Variants in PLCG2 observed in about 807,000 individuals in gnomAD.
PLCG2 encodes phospholipase C gamma 2, also known as 1-phosphatidylinositol 4,5-bisphosphate phosphodiesterase gamma-2.
Under a neutral mutation model 175.6 loss-of-function variants are expected in PLCG2, and 69 were observed. The observed-to-expected ratio is 0.39, with a 90% CI of 0.32 to 0.48. The LOEUF is 0.48. Ranked by LOEUF, PLCG2 falls within the 20% of genes least tolerant of loss-of-function variation. The pLI is 0.91. For missense variants in PLCG2, 1,798 were observed against 1,650.9 expected (o/e 1.09, Z -1.54); for synonymous variants, 827 against 624.0 (o/e 1.33, Z -4.85).
intron 2 of PLCG2, among the ~76,000 whole-genome samples, chr16:81,828,235 ATTTTTTTTTTTTTTT>A (rs67992648): frequency 8.4e-4 from 50 of 59,400 alleles, no homozygotes; most frequent in African/African-American, 3.1e-3. Flanking sequence ...GAGAAATGTC[ATTTTTTTTTTTTTTT>A]TTTTTTTTTT....
In PLCG2 at chr16:81,801,792, T is replaced by C. The variant is rs902247838; in HGVS notation, c.193+15610T>C. ...GCCTCCAGGGTTCAAGCGATTCTCTTGCTTCAGCTTCCCCAGTAGCTGGGA... is the reference window on the plus strand; with the variant it reads ...GCCTCCAGGGTTCAAGCGATTCTCTCGCTTCAGCTTCCCCAGTAGCTGGGA... On this transcript the variant is annotated intron_variant, in intron 2 of 32. Transcript: ENST00000564138. 1.8e-4 allele frequency among the ~76,000 whole-genome samples: 27 copies of C among 152,178 alleles called. No individual in the cohort carries two copies. The East Asian group carries it at 4.8e-3, about 27-fold the overall frequency.
chr16:81,830,735 C>T (rs1449906945), intron 2 of PLCG2, among the ~76,000 whole-genome samples: 3 of 151,336 alleles, frequency 2.0e-5, no homozygotes, highest in Non-Finnish European at 4.4e-5. Flanking sequence ...AATCATCTGC[C>T]AAGGGCTGCA....
intron 9 of PLCG2, among the ~76,000 whole-genome samples, chr16:81,887,043 A>G (rs1180058681): frequency 6.6e-6 from 1 of 151,996 alleles, no homozygotes; most frequent in Non-Finnish European, 1.5e-5. Flanking sequence ...GCCTTTTGAT[A>G]AATGCAAAAA....
chr16:81,867,204 G>T (rs866535093), intron 5 of PLCG2, among the ~76,000 whole-genome samples: 1 of 152,192 alleles, frequency 6.6e-6, no homozygotes, highest in African/African-American at 2.4e-5. Context: ...ACTTCCTTCC[G>T]CATGCCACAG....
At chr16:81,761,720 T>C (rs1477344017) in intron 2 of PLCG2, among the ~76,000 whole-genome samples, 4 of 152,220 alleles carry the variant, frequency 2.6e-5, no homozygotes, top group African/African-American at 9.6e-5. Flanking sequence ...TTGTTTGCTC[T>C]TCTCATTTTT....
At chr16:81,911,630 A>C (rs1271605151) in intron 18 of PLCG2, among the ~76,000 whole-genome samples, 1 of 137,780 alleles carries the variant, frequency 7.3e-6, no homozygotes, top group Non-Finnish European at 1.6e-5. Flanking sequence ...ATTAATTTTG[A>C]GACCGGGTCT....
rs761618579 is a variant in PLCG2 at position 81,958,030 on chromosome 16, G to A, written c.*32G>A. On this transcript the variant is annotated 3_prime_UTR_variant, in exon 33 of 33. Coordinates refer to ENST00000564138, the MANE Select transcript of PLCG2 (RefSeq NM_002661.5). ...GGGTATGTGTGTAAGGGTATTGTGT[G>A]TGTGCGCATGTGTGTTTGCATGTAG... 36 of 1,466,930 alleles carry A rather than the reference G, an allele frequency of 2.5e-5. No homozygotes were observed. Among genetic ancestry groups the A allele is most frequent in the Non-Finnish European group, 3.3e-5 (35 of 1,045,816 alleles). The allele number at this position is 1,466,930 out of a possible 1,614,324, so 90.9% of individuals were successfully genotyped here.
chr16:81,856,883 G>C (rs529791476), intron 3 of PLCG2, among the ~76,000 whole-genome samples: 210 of 152,290 alleles, frequency 1.4e-3, no homozygotes, highest in Middle Eastern at 6.8e-3. Flanking sequence ...GTCATTCCCA[G>C]AGAAAGAGAT....
upstream of PLCG2, among the ~76,000 whole-genome samples, chr16:81,778,039 A>AAAAACAAAACAAAC (rs1910504923): frequency 3.8e-3 from 302 of 80,260 alleles, 6 homozygotes; most frequent in African/African-American, 0.014. Context: ...AAACAAAAAA[A>AAAAACAAAACAAAC]AAACAAAAAA....
intron 2 of PLCG2, among the ~76,000 whole-genome samples, chr16:81,807,100 C>A (rs1904284690): frequency 6.6e-6 from 1 of 152,162 alleles, no homozygotes; most frequent in Non-Finnish European, 1.5e-5. Context: ...CAAGTCTGTT[C>A]AATGCATTTC....
chr16:81,889,280 A>G lies in PLCG2; in HGVS notation c.867+7A>G, dbSNP rs771408580. ...TTTCTTGTTTGTGGATGAGGTGAGT[A>G]GGCTGGGCTTGTTGTCGCTTGGGGG... On this transcript the variant is annotated splice_region_variant and intron_variant, in intron 10 of 32. Transcript: ENST00000564138. 1.3e-6 allele frequency: 2 copies of G among 1,534,114 alleles called. No individual in the cohort carries two copies. The highest frequency in any genetic ancestry group is 4.5e-5 in the East Asian group (2 of 44,236).
chr16:81,746,335 A>G (rs1029962863), intron 1 of PLCG2, among the ~76,000 whole-genome samples: 1 of 152,208 alleles, frequency 6.6e-6, no homozygotes, highest in Non-Finnish European at 1.5e-5. Context: ...GCACAGGTGG[A>G]GAACCCAACT....
At chr16:81,740,812 A>AGAGG (rs1477344292) in intron 1 of PLCG2, among the ~76,000 whole-genome samples, 5 of 148,732 alleles carry the variant, frequency 3.4e-5, no homozygotes, top group African/African-American at 1.2e-4. Context: ...CTGTGGGTGC[A>AGAGG]GAGGCCTGGG....
chr16:81,869,328 T>A (rs751460917), intron 6 of PLCG2, 30 bp downstream of exon 6: 2 of 1,490,944 alleles, frequency 1.3e-6, no homozygotes, highest in African/African-American at 2.8e-5. Flanking sequence ...CTGGGAATTT[T>A]ATGAATGCGG....
At chr16:81,752,041 A>T (rs545072155) in intron 1 of PLCG2, among the ~76,000 whole-genome samples, 40 of 151,332 alleles carry the variant, frequency 2.6e-4, no homozygotes, top group Non-Finnish European at 4.0e-4. Flanking sequence ...ATATAAAAAA[A>T]ATATAATATA....
chr16:81,829,057 C>T (rs966526394), intron 2 of PLCG2, among the ~76,000 whole-genome samples: 2 of 152,078 alleles, frequency 1.3e-5, no homozygotes, highest in Non-Finnish European at 2.9e-5. Flanking sequence ...TCTGCCCTGT[C>T]TTTTTTGTAT....
chr16:81,802,686 C>A (rs911444393), intron 2 of PLCG2, among the ~76,000 whole-genome samples: 14 of 152,036 alleles, frequency 9.2e-5, no homozygotes, highest in African/African-American at 3.4e-4. Flanking sequence ...ATTCTCATGC[C>A]TCAGCCTCCC....
intron 19 of PLCG2, among the ~76,000 whole-genome samples, chr16:81,915,221 A>G (rs1909793029): frequency 6.6e-6 from 1 of 152,186 alleles, no homozygotes; most frequent in East Asian, 1.9e-4. Flanking sequence ...ACCAGGCAGT[A>G]GGGGAACACA....
At chr16:81,779,290 C>G (rs1047065816), upstream of PLCG2, 15 of 150,574 alleles carry the variant, frequency 1.0e-4, no homozygotes, top group African/African-American at 3.4e-4. Flanking sequence ...GCGGCCGAAG[C>G]AGAAGTAGCG....
Sources: gnomAD v4.1 joint callset for allele counts (sites outside exome capture counted in the v4.1 genomes callset) on GRCh38, gnomAD v4.1.1 for gene constraint, MANE v1.5 for transcripts, NCBI Gene and HGNC (gene_info 2026-07-23, HGNC 2026-07-21) for gene names.